The following AACS variants were observed in gnomAD, a reference collection of about 807,000 sequenced individuals.
The protein encoded by AACS is acetoacetyl-CoA synthetase.
A neutral mutation model predicts 83.1 loss-of-function variants in AACS; 69 were observed. The ratio of observed to expected loss-of-function variants is 0.83; its 90% CI spans 0.68 to 1.01. The LOEUF (loss-of-function observed/expected upper bound fraction) is 1.01. AACS is among the 50% of genes least tolerant of loss of function. The pLI, the probability that AACS is intolerant of heterozygous loss-of-function variation, is 0.00. For missense variants in AACS, 866 were observed against 882.2 expected, an observed-to-expected ratio of 0.98 and a Z score of 0.23; for synonymous variants, 333 against 343.4, an observed-to-expected ratio of 0.97 and a Z score of 0.33.
chr12:125,105,444 C>CT (rs1265804000), intron 7 of AACS: 1 of 152,196 alleles, frequency 6.6e-6, no homozygotes, highest in Non-Finnish European at 1.5e-5. Context: ...AGAGCGCTGG[C>CT]TTTCTTTCAT....
chr12:125,138,800 C>T (rs1957435976), intron 17 of AACS: 1 of 152,130 alleles, frequency 6.6e-6, no homozygotes, highest in African/African-American at 2.4e-5. Flanking sequence ...TTTTCGAGCC[C>T]TCACGGCAGG....
chr12:125,103,498 CACGTGCAT>C (rs1271177527), intron 7 of AACS, among the ~76,000 whole-genome samples: 1 of 152,220 alleles, frequency 6.6e-6, no homozygotes, highest in Non-Finnish European at 1.5e-5. Flanking sequence ...TGCATTTACA[CACGTGCAT>C]ACGTGCACAG....
In AACS at chr12:125,077,883, A is replaced by G. The variant is rs148334844; in HGVS notation, c.358+1272A>G. 9.9e-3 allele frequency among the ~76,000 whole-genome samples: 1,513 copies of G among 152,114 alleles called. 12 individuals carry two copies. The highest frequency in any genetic ancestry group is 0.048 in the Middle Eastern group (14 of 294). ...ACCACCATTGCTGGCTAATTTTTGT[A>G]GTTTTAGTAGAGATGGGGTTTCCCC... On this transcript the variant is annotated intron_variant, in intron 3 of 17. Coordinates refer to ENST00000316519, the MANE Select transcript of AACS (RefSeq NM_023928.5).
chr12:125,099,543 C>G (rs1435226536), intron 5 of AACS, among the ~76,000 whole-genome samples: 1 of 152,176 alleles, frequency 6.6e-6, no homozygotes, highest in East Asian at 1.9e-4. Context: ...GCTTAGTCAC[C>G]TGCAATATGA....
intron 17 of AACS, chr12:125,141,736 G>T: frequency 2.6e-5 from 5 of 192,334 alleles, no homozygotes; most frequent in Non-Finnish European, 3.1e-5. Flanking sequence ...AAAGAAAAAT[G>T]AACATGCTCA....
chr12:125,100,235 C>T (rs188847604), intron 5 of AACS, among the ~76,000 whole-genome samples: 9 of 152,146 alleles, frequency 5.9e-5, no homozygotes, highest in East Asian at 1.9e-4. Context: ...ATTACAGGCG[C>T]GAGCCACCAT....
Position 125,065,727 on chromosome 12 carries a change from G to C in AACS, c.133+10G>C. On this transcript the variant is annotated intron_variant, in intron 1 of 17. Transcript: ENST00000316519. ...TGCGGCCTGGCGCTGGGTGAGAGTCGGGCGCGCGGCCGGGCCTGCGGGGGA... is the reference window on the plus strand; with the variant it reads ...TGCGGCCTGGCGCTGGGTGAGAGTCCGGCGCGCGGCCGGGCCTGCGGGGGA... 2 of 1,526,524 alleles carry C rather than the reference G, an allele frequency of 1.3e-6. No homozygotes were observed. Among genetic ancestry groups the C allele is most frequent in the Non-Finnish European group, 1.8e-6 (2 of 1,137,312 alleles). The allele number at this position is 1,526,524 out of a possible 1,614,324, so 94.6% of individuals were successfully genotyped here.
intron 1 of AACS, among the ~76,000 whole-genome samples, chr12:125,067,918 C>T (rs1385952104): frequency 6.6e-6 from 1 of 152,186 alleles, no homozygotes; most frequent in Non-Finnish European, 1.5e-5. Flanking sequence ...GCCTTGTTTC[C>T]TCATCTGTAA....
rs554186653 is a variant in AACS at position 125,090,741 on chromosome 12, A to G, written c.473-685A>G. Among the ~76,000 whole-genome samples the G allele has an allele frequency of 3.9e-5, 6 of 152,232 alleles. No homozygotes were observed. In the South Asian group the frequency reaches 1.2e-3, roughly 32 times the overall value. On this transcript the variant is annotated intron_variant, in intron 4 of 17. Transcript: ENST00000316519. The stretch of plus-strand genomic sequence containing the variant: ...TCATCCATCATCCATCCATCCATCC[A>G]TCTGCCAGCCGGCAAATATATGAGG...
At chr12:125,134,950 C>T (rs1257216882) in intron 16 of AACS, 98 bp downstream of exon 16, 19 of 1,385,648 alleles carry the variant, frequency 1.4e-5, no homozygotes, top group South Asian at 9.6e-5. Context: ...AACTCTGGCC[C>T]CTTGTTCTCT....
chr12:125,096,619 A>G (rs1364109069), intron 5 of AACS, among the ~76,000 whole-genome samples: 2 of 152,194 alleles, frequency 1.3e-5, no homozygotes, highest in Non-Finnish European at 2.9e-5. Flanking sequence ...GGGAGGAGTA[A>G]GGACCATGGC....
intron 3 of AACS, among the ~76,000 whole-genome samples, chr12:125,076,933 G>C (rs544213262): frequency 5.3e-5 from 8 of 152,022 alleles, no homozygotes; most frequent in Non-Finnish European, 1.0e-4. Flanking sequence ...TGCAGAGGCC[G>C]GGTGTGGTGG....
At chr12:125,115,040 G>T (rs370467696) in intron 9 of AACS, among the ~76,000 whole-genome samples, 2 of 152,128 alleles carry the variant, frequency 1.3e-5, no homozygotes, top group Admixed American at 1.3e-4. Flanking sequence ...AGTTGGGCCC[G>T]CTCCTCCGCC....
chr12:125,129,588 G>T lies in AACS; in HGVS notation c.1549+128G>T, dbSNP rs901798823. On this transcript the variant is annotated intron_variant, in intron 14 of 17. Coordinates refer to ENST00000316519, the MANE Select transcript of AACS (RefSeq NM_023928.5). The surrounding 1 kb of genome is among the most constrained non-coding windows in gnomAD (Gnocchi z 4.3). ...CCAGGGCTTGGAGAAGCTGCTTATA[G>T]TTCATTCCGCCAGTGGGGGGATAAT... 30 of 1,237,070 alleles carry T rather than the reference G, an allele frequency of 2.4e-5. No individual in the cohort carries two copies. In the Admixed American group the frequency reaches 2.4e-4, roughly 10 times the overall value. 76.6% of individuals were successfully genotyped at this position (1,237,070 alleles called of 1,614,324 possible).
chr12:125,073,083 T>A (rs775105324), intron 1 of AACS, among the ~76,000 whole-genome samples: 5 of 151,976 alleles, frequency 3.3e-5, no homozygotes, highest in Non-Finnish European at 5.9e-5. Context: ...CCCGCCACCA[T>A]GCTCGGCTAA....
intron 5 of AACS, chr12:125,092,762 G>A (rs1404074469): frequency 6.5e-6 from 1 of 152,692 alleles, no homozygotes; most frequent in Non-Finnish European, 1.5e-5. Context: ...CCTGTCCCTA[G>A]GGCCCTCTGT....
At chr12:125,107,421 G>A (rs1191161379) in intron 8 of AACS, among the ~76,000 whole-genome samples, 153 bp downstream of exon 8, 5 of 152,230 alleles carry the variant, frequency 3.3e-5, no homozygotes, top group Admixed American at 1.3e-4. Flanking sequence ...GGTGCTGCAC[G>A]GAGATCCGGC....
intron 5 of AACS, among the ~76,000 whole-genome samples, chr12:125,100,218 T>G (rs1228180148): frequency 6.6e-6 from 1 of 152,206 alleles, no homozygotes; most frequent in Non-Finnish European, 1.5e-5. Context: ...TCTCCCAAAG[T>G]GTTGGGATTA....
chr12:125,084,902 A>G (rs1354771508), intron 3 of AACS, among the ~76,000 whole-genome samples: 1 of 152,104 alleles, frequency 6.6e-6, no homozygotes, highest in African/African-American at 2.4e-5. Flanking sequence ...CATTTTTTGT[A>G]GAGTCTCACT....
Sources: gnomAD v4.1 joint callset for allele counts (sites outside exome capture counted in the v4.1 genomes callset) on GRCh38, gnomAD v4.1.1 for gene constraint, Gnocchi (gnomAD v3.1) non-coding constraint, MANE v1.5 for transcripts, NCBI Gene and HGNC (gene_info 2026-07-23, HGNC 2026-07-21) for gene names.